The following GRB2 variants were observed in gnomAD, a reference collection of about 807,000 sequenced individuals.
The protein encoded by GRB2 is growth factor receptor-bound protein 2.
GRB2 carries 2 observed loss-of-function variants against 27.4 expected under a neutral mutation model. That is an observed-to-expected ratio of 0.07 (90% confidence interval 0.03 to 0.23). GRB2 has a LOEUF of 0.23. GRB2 is among the 10% of genes least tolerant of loss of function. The pLI, the probability that GRB2 is intolerant of heterozygous loss-of-function variation, is 1.00. For missense variants in GRB2, 102 were observed against 282.4 expected (o/e 0.36, Z 4.58); for synonymous variants, 94 against 99.6 (o/e 0.94, Z 0.33).
intron 2 of GRB2, among the ~76,000 whole-genome samples, chr17:75,363,225 C>T (rs1247505643): frequency 6.6e-6 from 1 of 152,150 alleles, no homozygotes; most frequent in Non-Finnish European, 1.5e-5. Flanking sequence ...GGTAGCACCT[C>T]ACCTAAACTA....
In GRB2 at chr17:75,321,682, G is replaced by A. The variant is rs1185887918; in HGVS notation, c.445C>T (p.Arg149Trp). The A allele has an allele frequency of 2.5e-6, 4 of 1,613,936 alleles. No individual in the cohort carries two copies. Among genetic ancestry groups the A allele is most frequent in the African/African-American group, 1.3e-5 (1 of 75,014 alleles). Residue 149 changes from arginine to tryptophan, a missense_variant, in exon 5 of 6, where the codon CGG becomes TGG. Physicochemically the swap from Arg to Trp is moderately radical, Grantham distance 101. This residue lies in a region of GRB2 where 57 missense variants were observed against 152.9 expected (regional missense o/e 0.37). Transcript: ENST00000316804. ...ACCTGTGGCACCTGTTCTATGTCCCGCAGGAATATCTGCTGGTTTCTGGAG... is the reference window on the plus strand; with the variant it reads ...ACCTGTGGCACCTGTTCTATGTCCCACAGGAATATCTGCTGGTTTCTGGAG... Reference protein sequence around the residue: ...SVSRNQQIFLRDIEQVPQQPT... With the variant: ...SVSRNQQIFLWDIEQVPQQPT...
rs1278553805 is a variant in GRB2 at position 75,332,812 on chromosome 17, G to A, written c.79-15C>T. The A allele has an allele frequency of 6.6e-7, 1 of 1,519,468 alleles. No homozygotes were observed. Among genetic ancestry groups the A allele is most frequent in the Non-Finnish European group, 9.1e-7 (1 of 1,102,598 alleles). The allele number at this position is 1,519,468 out of a possible 1,614,324, so 94.1% of individuals were successfully genotyped here. ...TCGTTCAAAACCTGAAAAGAAATAAGACAACAAAAAAACCCAATCATTTCC... is the reference window on the plus strand; with the variant it reads ...TCGTTCAAAACCTGAAAAGAAATAAAACAACAAAAAAACCCAATCATTTCC... On this transcript the variant is annotated splice_polypyrimidine_tract_variant and intron_variant, in intron 2 of 5. Transcript: ENST00000316804.
rs557250482 is a variant in GRB2, at chr17:75,354,570, T to C, written c.79-21773A>G. 2.8e-3 allele frequency among the ~76,000 whole-genome samples: 432 copies of C among 152,176 alleles called. 6 individuals carry two copies. Among genetic ancestry groups the C allele is most frequent in the African/African-American group, 0.01 (424 of 41,510 alleles). Reference sequence around the variant, plus strand: ...GAATCTAATGCCTGATGATCTGAGGTTGAACAGTCATCCTGAACCATCTCG... The same window carrying C: ...GAATCTAATGCCTGATGATCTGAGGCTGAACAGTCATCCTGAACCATCTCG... On this transcript the variant is annotated intron_variant, in intron 2 of 5. Transcript: ENST00000316804.
At chr17:75,375,690 T>C (rs2078887988) in intron 2 of GRB2, among the ~76,000 whole-genome samples, 1 of 151,412 alleles carries the variant, frequency 6.6e-6, no homozygotes, top group Admixed American at 6.6e-5. Context: ...GAGACCATCT[T>C]GGCAAATATG....
At chr17:75,363,249 A>ATG (rs2078796606) in intron 2 of GRB2, among the ~76,000 whole-genome samples, 1 of 152,128 alleles carries the variant, frequency 6.6e-6, no homozygotes. Flanking sequence ...TCTTTGGTCA[A>ATG]TGTGTGCCCT....
In GRB2 at chr17:75,354,264, T is replaced by TTGGGGGGG. The variant is rs1555610715; in HGVS notation, c.79-21468_79-21467insCCCCCCCA. On this transcript the variant is annotated intron_variant, in intron 2 of 5. Coordinates refer to ENST00000316804, the MANE Select transcript of GRB2 (RefSeq NM_002086.5). The stretch of plus-strand genomic sequence containing the variant: ...AAAGTTTATTCATGGTCTTTTTTTT[T>TTGGGGGGG]GGGGGGGGGGGGGAGATGGAGTTTC... 1.3e-3 allele frequency among the ~76,000 whole-genome samples: 49 copies of TTGGGGGGG among 38,246 alleles called. 7 individuals carry two copies. The highest frequency in any genetic ancestry group is 0.01 in the Middle Eastern group (1 of 96). 25.1% of individuals were successfully genotyped at this position (38,246 alleles called of 152,430 possible).
chr17:75,382,527 C>T (rs1042542899), intron 2 of GRB2, among the ~76,000 whole-genome samples: 11 of 152,064 alleles, frequency 7.2e-5, no homozygotes, highest in Non-Finnish European at 2.9e-5. Flanking sequence ...GCCATGCTGG[C>T]GCTCAAAAAA....
intron 2 of GRB2, among the ~76,000 whole-genome samples, chr17:75,387,154 G>C (rs1339028314): frequency 2.0e-5 from 3 of 151,182 alleles, no homozygotes; most frequent in Non-Finnish European, 4.4e-5. Flanking sequence ...GACAGAGCGA[G>C]ACTCCATCTC....
chr17:75,356,287 C>A (rs2078733152), intron 2 of GRB2, among the ~76,000 whole-genome samples: 1 of 152,020 alleles, frequency 6.6e-6, no homozygotes, highest in African/African-American at 2.4e-5. Context: ...GAAGCTGAGG[C>A]AAGAGGTTCG....
intron 2 of GRB2, among the ~76,000 whole-genome samples, chr17:75,339,623 CTT>C (rs71159491): frequency 4.0e-3 from 524 of 129,998 alleles, no homozygotes; most frequent in African/African-American, 7.8e-3. Context: ...TTCTTTCTTT[CTT>C]TTTTTTTTTT....
At chr17:75,405,001 C>T (rs1025503363) in intron 1 of GRB2, 6 of 152,062 alleles carry the variant, frequency 3.9e-5, no homozygotes, top group African/African-American at 1.4e-4. Flanking sequence ...TCTCCCCCGG[C>T]TCCAGCAGCA....
intron 1 of GRB2, 194 bp from the exon 2 acceptor site, chr17:75,393,959 G>A (rs1598256561): frequency 4.9e-6 from 2 of 409,928 alleles, no homozygotes; most frequent in Non-Finnish European, 8.8e-6. Context: ...CGACTGACAG[G>A]CCTGCCGGCC....
intron 2 of GRB2, among the ~76,000 whole-genome samples, chr17:75,385,393 T>C (rs1185493020): frequency 6.6e-6 from 1 of 151,994 alleles, no homozygotes; most frequent in East Asian, 1.9e-4. Flanking sequence ...AAAAATTAGC[T>C]GGGCATGGTG....
intron 2 of GRB2, among the ~76,000 whole-genome samples, chr17:75,365,993 C>T (rs73358256): frequency 0.03 from 4,632 of 152,218 alleles, 230 homozygotes; most frequent in African/African-American, 0.1. Flanking sequence ...CTTACTCTTC[C>T]TTTAAAACAC....
chr17:75,328,321 C>A (rs1449826445), intron 3 of GRB2, among the ~76,000 whole-genome samples: 1 of 148,904 alleles, frequency 6.7e-6, no homozygotes, highest in Non-Finnish European at 1.5e-5. Flanking sequence ...GAGACTCTGT[C>A]TCAAAAAAAT....
At chr17:75,334,740 G>A (rs185783190) in intron 2 of GRB2, among the ~76,000 whole-genome samples, 189 of 152,238 alleles carry the variant, frequency 1.2e-3, no homozygotes, top group African/African-American at 4.4e-3. Context: ...AGGAGTTTAG[G>A]ACCAGCCTGG....
intron 3 of GRB2, among the ~76,000 whole-genome samples, chr17:75,330,931 C>T (rs1007569805): frequency 6.6e-6 from 1 of 152,146 alleles, no homozygotes; most frequent in Non-Finnish European, 1.5e-5. Flanking sequence ...AATTTGTTAA[C>T]TTGAATGCTG....
chr17:75,385,776 A>G (rs956271529), intron 2 of GRB2, among the ~76,000 whole-genome samples: 1 of 152,234 alleles, frequency 6.6e-6, no homozygotes, highest in African/African-American at 2.4e-5. Flanking sequence ...TATGTTAGTT[A>G]TATTATTACT....
chr17:75,392,428 G>C (rs983873558), intron 2 of GRB2, among the ~76,000 whole-genome samples: 16 of 152,270 alleles, frequency 1.1e-4, no homozygotes, highest in African/African-American at 3.9e-4. Context: ...GTTAACTTCA[G>C]AGTAGAACTC....
Sources: gnomAD v4.1 joint callset for allele counts (sites outside exome capture counted in the v4.1 genomes callset) on GRCh38, gnomAD v4.1.1 for gene constraint, gnomAD v4.1.1 regional missense constraint, MANE v1.5 for transcripts, NCBI Gene and HGNC (gene_info 2026-07-23, HGNC 2026-07-21) for gene names.